GLMN: variants seen among roughly 807,000 people sequenced by gnomAD.
The protein encoded by GLMN is glomulin, FKBP associated protein, also known as glomulin.
Under a neutral mutation model 87.8 loss-of-function variants are expected in GLMN, and 75 were observed. That is an observed-to-expected ratio of 0.85 (90% confidence interval 0.71 to 1.04). The LOEUF is 1.04. Among genes scored for constraint, GLMN ranks in the 50% least tolerant of loss-of-function variants. The pLI is 0.00. For synonymous variants in GLMN, 206 were observed against 221.6 expected, an observed-to-expected ratio of 0.93 and a Z score of 0.63; for missense variants, 588 against 658.8, an observed-to-expected ratio of 0.89 and a Z score of 1.18.
At chr1:92,284,428 C>A (rs982030442) in intron 7 of GLMN, among the ~76,000 whole-genome samples, 2 of 152,130 alleles carry the variant, frequency 1.3e-5, no homozygotes, top group African/African-American at 4.8e-5. Flanking sequence ...ATGTAGAAAG[C>A]TGAAACTGGA....
At chr1:92,364,379 A>T in the GLMN span, among the ~76,000 whole-genome samples, 2 of 152,196 alleles carry the variant, frequency 1.3e-5, no homozygotes. Context: ...GACAAATATA[A>T]GGAAGAAAAG....
At chr1:92,340,771 A>G in the GLMN span, among the ~76,000 whole-genome samples, 6 of 152,152 alleles carry the variant, frequency 3.9e-5, no homozygotes, top group Admixed American at 1.3e-4. Context: ...TTTCCACTGA[A>G]TTGCATTACA....
intron 7 of GLMN, among the ~76,000 whole-genome samples, chr1:92,279,625 G>A (rs186734747): frequency 1.5e-3 from 226 of 152,200 alleles, no homozygotes; most frequent in African/African-American, 5.2e-3. Flanking sequence ...TGCAGCCCAC[G>A]GAGGGCAAGC....
At chr1:92,269,929 A>G (rs1016126406) in intron 8 of GLMN, among the ~76,000 whole-genome samples, 153 bp from the exon 9 acceptor site, 1 of 152,172 alleles carries the variant, frequency 6.6e-6, no homozygotes, top group African/African-American at 2.4e-5. Context: ...TTATTTGGAG[A>G]TAGGGTTATG....
the GLMN span, among the ~76,000 whole-genome samples, chr1:92,329,583 G>A: frequency 6.6e-6 from 1 of 152,318 alleles, no homozygotes; most frequent in Non-Finnish European, 1.5e-5. Context: ...TGTTTCTGCG[G>A]TAGTTCTTGG....
At chr1:92,273,652 C>T (rs1021856639) in intron 7 of GLMN, among the ~76,000 whole-genome samples, 2 of 151,618 alleles carry the variant, frequency 1.3e-5, no homozygotes, top group Admixed American at 6.6e-5. Flanking sequence ...GATGGGGTTT[C>T]GCCATGCAGC....
chr1:92,299,192 C>A (rs1328889627), upstream of GLMN: 7 of 1,236,268 alleles, frequency 5.7e-6, no homozygotes, highest in Non-Finnish European at 5.5e-6. Flanking sequence ...GAAAGCTGGG[C>A]CCCGATCTCG....
rs373677423 is a variant in GLMN at position 92,284,997 on chromosome 1, C to T, written c.735+1493G>A. On this transcript the variant is annotated intron_variant, in intron 7 of 18. Transcript: ENST00000370360. ...TGGAGAGGATGTGGAGAAATAGGAA[C>T]GCTTTTACACTGTTGGTGGGAGTGT... Among the ~76,000 whole-genome samples the T allele has an allele frequency of 3.9e-4, 59 of 152,182 alleles. 1 individual carries two copies. The South Asian group carries it at 8.7e-3, about 23-fold the overall frequency.
At chr1:92,310,812 G>A in the GLMN span, among the ~76,000 whole-genome samples, 3 of 152,166 alleles carry the variant, frequency 2.0e-5, no homozygotes, top group East Asian at 1.9e-4. Context: ...AAGAAGAACC[G>A]CTTGAACCTG....
chr1:92,336,514 T>C, the GLMN span: 1 of 851,098 alleles, frequency 1.2e-6, no homozygotes, highest in South Asian at 1.5e-5. Context: ...AGAAAGTAAG[T>C]GACTTACCTT....
intron 7 of GLMN, among the ~76,000 whole-genome samples, chr1:92,284,494 G>T (rs181964745): frequency 2.5e-4 from 38 of 152,242 alleles, no homozygotes; most frequent in Admixed American, 2.2e-3. Flanking sequence ...AGACTTAAAT[G>T]TAAGACTTAA....
At chr1:92,257,035 C>T (rs1190145442) in intron 16 of GLMN, among the ~76,000 whole-genome samples, 2 of 152,208 alleles carry the variant, frequency 1.3e-5, no homozygotes, top group Non-Finnish European at 2.9e-5. Flanking sequence ...TCTCCTTAAG[C>T]TGATAAGCAA....
chr1:92,326,838 T>A, the GLMN span, among the ~76,000 whole-genome samples: 209 of 152,312 alleles, frequency 1.4e-3, no homozygotes, highest in Non-Finnish European at 2.1e-3. Flanking sequence ...TTACAGGCAG[T>A]GGGCAGGAAG....
At chr1:92,357,655 A>G in the GLMN span, among the ~76,000 whole-genome samples, 1 of 152,086 alleles carries the variant, frequency 6.6e-6, no homozygotes, top group Non-Finnish European at 1.5e-5. Context: ...CCTCATCCTC[A>G]TGAGTGCTGA....
chr1:92,264,593 A>T lies in GLMN; in HGVS notation c.1260T>A (p.Ile420=), dbSNP rs1214920376. The change falls in exon 14 of 19, where the codon ATT becomes ATA. Residue 420 remains isoleucine (I), a synonymous_variant. Transcript: ENST00000370360. The stretch of plus-strand genomic sequence containing the variant: ...CAATTTGATTTTTGATATTTTGAAT[A>T]ATAAAAGCCTCCACACCTGAGTGAT... ...TSNHSGVEAF[I]IQNIKNQIDM... 2 of 1,593,940 alleles carry T rather than the reference A, an allele frequency of 1.3e-6. No individual in the cohort carries two copies. The highest frequency in any genetic ancestry group is 1.7e-5 in the Admixed American group (1 of 59,974).
chr1:92,312,980 C>A, the GLMN span, among the ~76,000 whole-genome samples: 1 of 152,196 alleles, frequency 6.6e-6, no homozygotes, highest in Non-Finnish European at 1.5e-5. Flanking sequence ...ATTCTCATGC[C>A]TCAGCCTCCC....
the GLMN span, among the ~76,000 whole-genome samples, chr1:92,348,623 G>A: frequency 1.3e-5 from 2 of 151,898 alleles, no homozygotes; most frequent in Non-Finnish European, 2.9e-5. Context: ...TTCCCCTTTA[G>A]CTTTTCATAT....
intron 16 of GLMN, among the ~76,000 whole-genome samples, chr1:92,253,376 G>A (rs1035287998): frequency 3.3e-5 from 5 of 152,208 alleles, no homozygotes; most frequent in African/African-American, 1.2e-4. Flanking sequence ...TGCCAGCTCT[G>A]AAGAGAGCAG....
chr1:92,323,402 G>A, the GLMN span: 47 of 1,366,742 alleles, frequency 3.4e-5, no homozygotes, highest in African/African-American at 6.5e-4. Flanking sequence ...GGTTTTATTT[G>A]CTATTTTTTA....
Sources: allele counts gnomAD v4.1 joint callset (sites outside exome capture counted in the v4.1 genomes callset), GRCh38; gene constraint gnomAD v4.1.1; transcripts MANE v1.5; gene names NCBI Gene and HGNC (gene_info 2026-07-23, HGNC 2026-07-21).